The following CACHD1 variants were observed in gnomAD, a reference collection of about 807,000 sequenced individuals.
The protein encoded by CACHD1 is cache domain containing 1.
Under a neutral mutation model 138.7 loss-of-function variants are expected in CACHD1, and 71 were observed. That is an observed-to-expected ratio of 0.51 (90% confidence interval 0.42 to 0.62). The LOEUF (loss-of-function observed/expected upper bound fraction) is 0.62, where lower values mean the gene tolerates loss of function less well. Among genes scored for constraint, CACHD1 ranks in the 20% least tolerant of loss-of-function variants. CACHD1 has a pLI of 0.00. For synonymous variants in CACHD1, 578 were observed against 591.5 expected, an observed-to-expected ratio of 0.98 and a Z score of 0.33; for missense variants, 1,389 against 1,625.3, an observed-to-expected ratio of 0.85 and a Z score of 2.50.
At chr1:64,655,797 G>C (rs1649242725) in intron 12 of CACHD1, among the ~76,000 whole-genome samples, 1 of 152,210 alleles carries the variant, frequency 6.6e-6, no homozygotes. Flanking sequence ...AAGGGGAGTA[G>C]AGTTTTACTT....
At chr1:64,527,601 A>G (rs1227756833) in intron 1 of CACHD1, among the ~76,000 whole-genome samples, 3 of 152,154 alleles carry the variant, frequency 2.0e-5, no homozygotes, top group Non-Finnish European at 4.4e-5. Flanking sequence ...AAAATTTTAT[A>G]TTCTTCCTTT....
intron 1 of CACHD1, among the ~76,000 whole-genome samples, chr1:64,524,130 T>C (rs1373004192): frequency 1.3e-5 from 2 of 152,186 alleles, no homozygotes; most frequent in Admixed American, 6.5e-5. Flanking sequence ...GGTTAAACTT[T>C]GTGATGTAAA....
At position 64,470,822 on chromosome 1, in the gene CACHD1, C is replaced by G. The variant is rs1162760834; in HGVS notation, c.78C>G (p.Val26=). 1.3e-6 allele frequency: 2 copies of G among 1,493,116 alleles called. No homozygotes were observed. Among genetic ancestry groups the G allele is most frequent in the East Asian group, 4.7e-5 (2 of 42,960 alleles). The allele number at this position is 1,493,116 out of a possible 1,614,324, so 92.5% of individuals were successfully genotyped here. ...RRPPLWLLCL[V]ACWLLGAGAE... ...CGCCCCTCTGGCTGCTCTGCCTGGTCGCGTGCTGGCTCCTGGGCGCCGGGG... is the reference window on the plus strand; with the variant it reads ...CGCCCCTCTGGCTGCTCTGCCTGGTGGCGTGCTGGCTCCTGGGCGCCGGGG... The change falls in exon 1 of 27, where the codon GTC becomes GTG. Residue 26 remains valine, a synonymous_variant. Transcript: ENST00000651257. This position sits in a 1 kb window ranked among gnomAD's most constrained non-coding sequence, Gnocchi z 5.2.
chr1:64,634,713 G>T (rs1385008457), intron 7 of CACHD1, among the ~76,000 whole-genome samples: 1 of 152,064 alleles, frequency 6.6e-6, no homozygotes, highest in Non-Finnish European at 1.5e-5. Context: ...ATTGATTGGG[G>T]GCGAGGTGCG....
intron 3 of CACHD1, among the ~76,000 whole-genome samples, 169 bp from the exon 4 acceptor site, chr1:64,602,636 TC>T (rs1570406921): frequency 6.6e-6 from 1 of 152,256 alleles, no homozygotes; most frequent in East Asian, 1.9e-4. Context: ...AGGCAGGTGT[TC>T]CCCCCACCAC....
intron 13 of CACHD1, among the ~76,000 whole-genome samples, chr1:64,659,646 C>T (rs1371431199): frequency 6.6e-6 from 1 of 152,194 alleles, no homozygotes; most frequent in African/African-American, 2.4e-5. Flanking sequence ...AGATTTGACC[C>T]ATGCACCTCT....
rs528219717 is a variant in CACHD1, at chr1:64,641,002, G to A, written c.1007-818G>A. ...AAATAATTTCACTTCTAACTCAGGG[G>A]TGCTCCTTCAATCCAATGGCATGGT... On this transcript the variant is annotated intron_variant, in intron 7 of 26. Coordinates refer to ENST00000651257, the MANE Select transcript of CACHD1 (RefSeq NM_020925.4). Among the ~76,000 whole-genome samples the A allele has an allele frequency of 2.6e-5, 4 of 152,002 alleles. No individual in the cohort carries two copies. In the South Asian group the frequency reaches 8.3e-4, roughly 32 times the overall value.
chr1:64,480,185 A>G (rs1042796343), intron 1 of CACHD1, among the ~76,000 whole-genome samples: 1 of 152,186 alleles, frequency 6.6e-6, no homozygotes, highest in African/African-American at 2.4e-5. Context: ...GAGAACAGGG[A>G]TGGACCAGAG....
At chr1:64,671,707 A>T in intron 17 of CACHD1, 21 bp downstream of exon 17, 4 of 1,613,684 alleles carry the variant, frequency 2.5e-6, no homozygotes, top group Non-Finnish European at 3.4e-6. Context: ...TGGGGATGCT[A>T]TTTCCTTTCT....
At chr1:64,614,885 C>T (rs961457208) in intron 4 of CACHD1, among the ~76,000 whole-genome samples, 9 of 152,138 alleles carry the variant, frequency 5.9e-5, no homozygotes, top group African/African-American at 2.2e-4. Context: ...CTTCTCTTCC[C>T]TCTTTTTCCA....
chr1:64,686,867 C>A (rs551825818), intron 26 of CACHD1, among the ~76,000 whole-genome samples: 4 of 152,026 alleles, frequency 2.6e-5, no homozygotes, highest in Non-Finnish European at 5.9e-5. Context: ...TGTAGATGAA[C>A]GTAAGACCAT....
chr1:64,669,586 A>G (rs1052010305), intron 16 of CACHD1, among the ~76,000 whole-genome samples: 21 of 152,180 alleles, frequency 1.4e-4, no homozygotes, highest in Non-Finnish European at 2.2e-4. Context: ...ATGAAGTACA[A>G]TCATTGAGTA....
At chr1:64,688,012 C>G (rs1650421989) in intron 26 of CACHD1, among the ~76,000 whole-genome samples, 1 of 151,676 alleles carries the variant, frequency 6.6e-6, no homozygotes, top group South Asian at 2.1e-4. Flanking sequence ...GCTGGCAGGA[C>G]TGGAGGTGGG....
chr1:64,662,069 C>A (rs1649464433), intron 13 of CACHD1, among the ~76,000 whole-genome samples: 1 of 152,174 alleles, frequency 6.6e-6, no homozygotes, highest in Admixed American at 6.5e-5. Flanking sequence ...GTCTACCAAT[C>A]CAGAAGAAAC....
intron 8 of CACHD1, among the ~76,000 whole-genome samples, chr1:64,646,453 G>C (rs569738444): frequency 6.6e-6 from 1 of 152,310 alleles, no homozygotes; most frequent in African/African-American, 2.4e-5. Flanking sequence ...GATTTGCCAG[G>C]CATGGTGGCT....
At chr1:64,535,788 C>T (rs1250429723) in intron 1 of CACHD1, among the ~76,000 whole-genome samples, 2 of 152,190 alleles carry the variant, frequency 1.3e-5, no homozygotes, top group Admixed American at 6.5e-5. Flanking sequence ...ATGAGTCTTA[C>T]ACATGCTGAC....
chr1:64,578,175 G>C (rs1646984114), intron 2 of CACHD1, among the ~76,000 whole-genome samples: 1 of 152,250 alleles, frequency 6.6e-6, no homozygotes, highest in African/African-American at 2.4e-5. Flanking sequence ...AGGCACCGCA[G>C]CGAGTGCATG....
chr1:64,587,726 T>C (rs1647061882), intron 3 of CACHD1, among the ~76,000 whole-genome samples: 1 of 152,236 alleles, frequency 6.6e-6, no homozygotes. Context: ...TTTATTTATA[T>C]AATTTAATTC....
chr1:64,557,200 T>G (rs1646805243), intron 2 of CACHD1, among the ~76,000 whole-genome samples: 1 of 151,830 alleles, frequency 6.6e-6, no homozygotes, highest in Admixed American at 6.6e-5. Flanking sequence ...AAAATAAATT[T>G]CTGAGCAAAT....
Sources: allele counts gnomAD v4.1 joint callset (sites outside exome capture counted in the v4.1 genomes callset), GRCh38; gene constraint gnomAD v4.1.1; non-coding constraint Gnocchi (gnomAD v3.1); transcripts MANE v1.5; gene names NCBI Gene and HGNC (gene_info 2026-07-23, HGNC 2026-07-21).